GPCPD1: variants seen among roughly 807,000 people sequenced by gnomAD.
GPCPD1 encodes glycerophosphocholine phosphodiesterase GPCPD1.
GPCPD1 carries 29 observed loss-of-function variants against 89.2 expected under a neutral mutation model. That is an observed-to-expected ratio of 0.33 (90% CI 0.24 to 0.44). The LOEUF (loss-of-function observed/expected upper bound fraction) is 0.44. GPCPD1 is among the 20% of genes least tolerant of loss of function. GPCPD1 has a pLI of 1.00. For synonymous variants in GPCPD1, 258 were observed against 266.3 expected (o/e 0.97, Z 0.30); for missense variants, 594 against 808.9 (o/e 0.73, Z 3.22).
At chr20:5,602,323 C>A (rs544128844) in intron 2 of GPCPD1, among the ~76,000 whole-genome samples, 9 of 152,340 alleles carry the variant, frequency 5.9e-5, no homozygotes, top group African/African-American at 2.2e-4. Flanking sequence ...ATGGCCAGCT[C>A]CTTCTAGCTT....
intron 4 of GPCPD1, among the ~76,000 whole-genome samples, chr20:5,587,961 G>A (rs1024127826): frequency 4.0e-5 from 6 of 151,874 alleles, no homozygotes; most frequent in African/African-American, 1.5e-4. Context: ...ATTACTCCTG[G>A]GATACTAAAT....
chr20:5,601,195 T>A (rs73075611), intron 2 of GPCPD1, among the ~76,000 whole-genome samples: 14,020 of 150,602 alleles, frequency 0.093, 1,081 homozygotes, highest in African/African-American at 0.21. Context: ...CAAAAAAAAA[T>A]TTTAAGTAAG....
chr20:5,572,215 T>C (rs1197064805), intron 11 of GPCPD1, among the ~76,000 whole-genome samples: 1 of 152,174 alleles, frequency 6.6e-6, no homozygotes, highest in African/African-American at 2.4e-5. Flanking sequence ...CCATCACGTT[T>C]ATAGCTAATG....
intron 19 of GPCPD1, among the ~76,000 whole-genome samples, chr20:5,550,299 AAGACAAAATAGGAGG>A (rs1985322884): frequency 6.6e-6 from 1 of 151,098 alleles, no homozygotes; most frequent in Non-Finnish European, 1.5e-5. Flanking sequence ...AAAAAAAAAA[AAGACAAAATAGGAGG>A]AAAAAAAAAT....
intron 14 of GPCPD1, 54 bp from the exon 15 acceptor site, chr20:5,565,132 G>T: frequency 1.1e-6 from 1 of 898,334 alleles, no homozygotes. Context: ...ATATCACTAA[G>T]AGCTTTCTTA....
chr20:5,599,590 T>C (rs1460044605), intron 2 of GPCPD1, among the ~76,000 whole-genome samples: 1 of 152,150 alleles, frequency 6.6e-6, no homozygotes, highest in African/African-American at 2.4e-5. Context: ...AGTTTTTCTC[T>C]GTTGCCTGGG....
At chr20:5,603,746 CTTT>C (rs1181802350) in intron 2 of GPCPD1, among the ~76,000 whole-genome samples, 4 of 135,388 alleles carry the variant, frequency 3.0e-5, no homozygotes, top group African/African-American at 5.6e-5. Flanking sequence ...CCAACTTATT[CTTT>C]TTTTTTTTTT....
At chr20:5,600,080 T>C (rs1240555182) in intron 2 of GPCPD1, among the ~76,000 whole-genome samples, 1 of 152,182 alleles carries the variant, frequency 6.6e-6, no homozygotes, top group Non-Finnish European at 1.5e-5. Flanking sequence ...CAACTGCCAA[T>C]TTGGCTCAAG....
intron 6 of GPCPD1, among the ~76,000 whole-genome samples, chr20:5,580,542 G>A (rs1335016988): frequency 2.6e-5 from 4 of 151,884 alleles, no homozygotes; most frequent in African/African-American, 7.2e-5. Context: ...TGGCTAACAC[G>A]GTGAAGCCCC....
intron 3 of GPCPD1, among the ~76,000 whole-genome samples, chr20:5,595,159 T>C (rs1979623797): frequency 6.6e-6 from 1 of 152,234 alleles, no homozygotes; most frequent in Admixed American, 6.5e-5. Context: ...TGTATCATTT[T>C]TTAGCAATAA....
chr20:5,552,832 A>C (rs1025398177), intron 19 of GPCPD1, among the ~76,000 whole-genome samples: 1 of 152,248 alleles, frequency 6.6e-6, no homozygotes, highest in African/African-American at 2.4e-5. Context: ...TCAGAAAGTA[A>C]TATAACTTTA....
At chr20:5,569,839 A>G (rs1986605557) in intron 12 of GPCPD1, among the ~76,000 whole-genome samples, 2 of 152,242 alleles carry the variant, frequency 1.3e-5, no homozygotes, top group Admixed American at 6.5e-5. Context: ...AAACACTATG[A>G]TATCTTCCTC....
intron 1 of GPCPD1, among the ~76,000 whole-genome samples, chr20:5,607,578 AAAAAAG>A (rs1375348665): frequency 1.3e-5 from 2 of 152,140 alleles, no homozygotes; most frequent in East Asian, 3.8e-4. Flanking sequence ...ACTCCATCTC[AAAAAAG>A]AAAAAGAAAA....
chr20:5,565,111 A>T (rs1986311807), intron 14 of GPCPD1, 33 bp from the exon 15 acceptor site: 3 of 1,066,360 alleles, frequency 2.8e-6, no homozygotes, highest in East Asian at 4.7e-5. Flanking sequence ...CTCAGTAAAT[A>T]AAATGCCACT....
rs187316277 is a variant in GPCPD1 at position 5,553,019 on chromosome 20, G to A, written c.1829+4926C>T. Among the ~76,000 whole-genome samples the A allele has an allele frequency of 4.1e-3, 620 of 151,980 alleles. 2 individuals carry two copies. The highest frequency in any genetic ancestry group is 7.2e-3 in the Non-Finnish European group (488 of 67,974). On this transcript the variant is annotated intron_variant, in intron 19 of 19. Coordinates refer to ENST00000379019, the MANE Select transcript of GPCPD1 (RefSeq NM_019593.5). Reference sequence around the variant, plus strand: ...TTAATTTTATTTTATATGAGATGGGGTCTTCTCCCAAAGTGCTGGGATTAC... The same window carrying A: ...TTAATTTTATTTTATATGAGATGGGATCTTCTCCCAAAGTGCTGGGATTAC...
chr20:5,558,197 G>T, intron 18 of GPCPD1, 92 bp from the exon 19 acceptor site: 1 of 682,478 alleles, frequency 1.5e-6, no homozygotes, highest in Non-Finnish European at 2.4e-6. Context: ...CCAAAGTACA[G>T]CAGGCGGGAA....
At chr20:5,555,103 A>C (rs539540389) in intron 19 of GPCPD1, among the ~76,000 whole-genome samples, 1 of 152,250 alleles carries the variant, frequency 6.6e-6, no homozygotes, top group Non-Finnish European at 1.5e-5. Context: ...TGAGGAAAGA[A>C]AATGGTTTTT....
chr20:5,548,213 C>T lies in GPCPD1; in HGVS notation c.1830-363G>A, dbSNP rs147893151. On this transcript the variant is annotated intron_variant, in intron 19 of 19. Transcript: ENST00000379019. ...ATGGAAATCTATAAAAAACTGACTG[C>T]TCTGACTTCAAAGTCACTAAAGATC... is the stretch of plus-strand genomic sequence containing the variant. 172 of 157,070 alleles carry T rather than the reference C, an allele frequency of 1.1e-3. 2 individuals are homozygous for T. In the East Asian group the frequency reaches 0.028, roughly 25 times the overall value. 9.7% of individuals were successfully genotyped at this position (157,070 alleles called of 1,614,324 possible). A position where few individuals can be genotyped will look rare whatever the true frequency, so the allele number is the denominator to read the frequency against.
chr20:5,595,815 G>T (rs1979684107), intron 3 of GPCPD1, among the ~76,000 whole-genome samples: 1 of 151,334 alleles, frequency 6.6e-6, no homozygotes, highest in Non-Finnish European at 1.5e-5. Context: ...AAGGGGGGGG[G>T]ACAAATTCCC....
Sources: gnomAD v4.1 joint callset for allele counts (sites outside exome capture counted in the v4.1 genomes callset) on GRCh38, gnomAD v4.1.1 for gene constraint, MANE v1.5 for transcripts, NCBI Gene and HGNC (gene_info 2026-07-23, HGNC 2026-07-21) for gene names.